Variants in ACOT7 observed in about 807,000 individuals in gnomAD.
The protein encoded by ACOT7 is acyl-CoA thioesterase 7, also known as cytosolic acyl coenzyme A thioester hydrolase.
ACOT7 carries 12 observed loss-of-function variants against 40.2 expected under a neutral mutation model. That is an observed-to-expected ratio of 0.30 (90% CI 0.19 to 0.48). The LOEUF is 0.48. Ranked by LOEUF, ACOT7 falls within the 20% of genes least tolerant of loss-of-function variation. The probability of loss-of-function intolerance (pLI) is 0.99; values close to 1 mark genes in which losing one functional copy is unlikely to be tolerated. For missense variants in ACOT7, 395 were observed against 530.8 expected (o/e 0.74, Z 2.51); for synonymous variants, 228 against 219.5 (o/e 1.04, Z -0.34).
intron 6 of ACOT7, 38 bp from the exon 7 acceptor site, chr1:6,295,018 G>A: frequency 1.3e-6 from 2 of 1,493,918 alleles, no homozygotes; most frequent in Non-Finnish European, 1.9e-6. Flanking sequence ...GAGACACGGA[G>A]GCAGAGGAGA....
Position 6,352,815 on chromosome 1 carries a change from C to T in ACOT7, c.144-2949G>A, listed in dbSNP as rs1641631996. Among the ~76,000 whole-genome samples the T allele has an allele frequency of 6.6e-6, 1 of 152,118 alleles. No individual in the cohort carries two copies. Among genetic ancestry groups the T allele is most frequent in the South Asian group, 2.1e-4 (1 of 4,808 alleles). ...AGCCAGGATGGTCTTGATCTCCTGA[C>T]CTCGTTCGTGATCCCATTTCTAATA... On this transcript the variant is annotated intron_variant, in intron 1 of 8. Transcript: ENST00000361521. The surrounding 1 kb of genome is among the most constrained non-coding windows in gnomAD (Gnocchi z 4.5).
At position 6,393,650 on chromosome 1, in the gene ACOT7, T is replaced by G. The variant is rs58110988; in HGVS notation, c.-251A>C. 0.29 allele frequency: 79,345 copies of G among 273,258 alleles called. 16,629 individuals are homozygous for G. Among genetic ancestry groups the G allele is most frequent in the African/African-American group, 0.71 (31,978 of 44,754 alleles). 16.9% of individuals were successfully genotyped at this position (273,258 alleles called of 1,614,324 possible). A position where few individuals can be genotyped will look rare whatever the true frequency, so the allele number is the denominator to read the frequency against. ...CCGCGCCGGTGCGGGGAAGGCCCGCTAGCCGCGGCAGCCGCGCCCGACCCG... is the reference window on the plus strand; with the variant it reads ...CCGCGCCGGTGCGGGGAAGGCCCGCGAGCCGCGGCAGCCGCGCCCGACCCG... On this transcript the variant is annotated 5_prime_UTR_variant, in exon 1 of 9. Coordinates refer to ENST00000361521, the MANE Select transcript of ACOT7 (RefSeq NM_007274.4).
At position 6,355,349 on chromosome 1, in the gene ACOT7, A is replaced by G. The variant is rs1046910127; in HGVS notation, c.144-5483T>C. ...TAAACGAAGCACTGCAAGGGTACTC[A>G]CTGCACAGCCGTGTATAACGCAGGA... On this transcript the variant is annotated intron_variant, in intron 1 of 8. Coordinates refer to ENST00000361521, the MANE Select transcript of ACOT7 (RefSeq NM_007274.4). This position sits in a 1 kb window ranked among gnomAD's most constrained non-coding sequence, Gnocchi z 5.0. 4.6e-5 allele frequency among the ~76,000 whole-genome samples: 7 copies of G among 152,156 alleles called. No homozygotes were observed. The highest frequency in any genetic ancestry group is 1.7e-4 in the African/African-American group (7 of 41,440).
At chr1:6,369,950 T>C (rs2148472670) in intron 1 of ACOT7, among the ~76,000 whole-genome samples, 1 of 152,344 alleles carries the variant, frequency 6.6e-6, no homozygotes, top group Non-Finnish European at 1.5e-5. Context: ...TAATAGGTGC[T>C]ATTATCCACT....
At chr1:6,321,068 A>G (rs1355233622) in intron 5 of ACOT7, among the ~76,000 whole-genome samples, 1 of 152,312 alleles carries the variant, frequency 6.6e-6, no homozygotes, top group East Asian at 1.9e-4. Context: ...GGTCTGAGCT[A>G]TGGCCATGGG....
At chr1:6,302,146 CGGTGTAG>C (rs1231794776) in intron 6 of ACOT7, among the ~76,000 whole-genome samples, 2 of 152,254 alleles carry the variant, frequency 1.3e-5, no homozygotes, top group East Asian at 3.9e-4. Context: ...GAAATCAGGA[CGGTGTAG>C]CATCCTGACT....
chr1:6,363,795 C>T (rs1296263619), intron 1 of ACOT7, among the ~76,000 whole-genome samples: 1 of 152,172 alleles, frequency 6.6e-6, no homozygotes, highest in Non-Finnish European at 1.5e-5. Context: ...GTCTCTGCAT[C>T]TTGGTGGTAG....
At chr1:6,357,369 G>C (rs1279864372) in intron 1 of ACOT7, among the ~76,000 whole-genome samples, 8 of 152,254 alleles carry the variant, frequency 5.3e-5, no homozygotes, top group Non-Finnish European at 1.2e-4. Flanking sequence ...GCACAGCCAG[G>C]TAAGGGTCTG....
intron 6 of ACOT7, among the ~76,000 whole-genome samples, chr1:6,308,536 G>A (rs1640235392): frequency 6.6e-6 from 1 of 151,896 alleles, no homozygotes; most frequent in African/African-American, 2.4e-5. Flanking sequence ...ACCACAACAG[G>A]CAGAAGGAAC....
At chr1:6,361,353 G>A (rs1282365598) in intron 1 of ACOT7, among the ~76,000 whole-genome samples, 1 of 152,182 alleles carries the variant, frequency 6.6e-6, no homozygotes, top group African/African-American at 2.4e-5. Context: ...GACTGCTAAT[G>A]CGTGCAGGTT....
chr1:6,350,122 C>T (rs141704496), intron 1 of ACOT7, among the ~76,000 whole-genome samples: 1 of 152,166 alleles, frequency 6.6e-6, no homozygotes, highest in Non-Finnish European at 1.5e-5. Flanking sequence ...CCCCCTGAAG[C>T]CACATGTCCC....
chr1:6,375,150 G>A (rs149245103), intron 1 of ACOT7, among the ~76,000 whole-genome samples: 2,892 of 150,530 alleles, frequency 0.019, 92 homozygotes, highest in African/African-American at 0.068. Flanking sequence ...GGTGGCGGGC[G>A]CCTGTAGGAG....
At position 6,359,083 on chromosome 1, in the gene ACOT7, C is replaced by T. The variant is rs1302315369; in HGVS notation, c.144-9217G>A. 1 of 514,708 alleles carries T rather than the reference C, an allele frequency of 1.9e-6. No homozygotes were observed. The highest frequency in any genetic ancestry group is 3.8e-5 in the East Asian group (1 of 26,324). The allele number at this position is 514,708 out of a possible 1,614,324, so 31.9% of individuals were successfully genotyped here. ...GGAAACCTTGCTTTATAAATAATTACAGAAGAAGTAATTCTGTGAGCTCTT... is the reference window on the plus strand; with the variant it reads ...GGAAACCTTGCTTTATAAATAATTATAGAAGAAGTAATTCTGTGAGCTCTT... On this transcript the variant is annotated intron_variant, in intron 1 of 8. Coordinates refer to ENST00000361521, the MANE Select transcript of ACOT7 (RefSeq NM_007274.4). This position sits in a 1 kb window ranked among gnomAD's most constrained non-coding sequence, Gnocchi z 4.1.
Position 6,292,913 on chromosome 1 carries a change from G to A in ACOT7, c.829+1951C>T, listed in dbSNP as rs1253073286. 9.5e-5 allele frequency among the ~76,000 whole-genome samples: 13 copies of A among 136,538 alleles called. No homozygotes were observed. In the South Asian group the frequency reaches 1.2e-3, roughly 12 times the overall value. 89.6% of individuals were successfully genotyped at this position (136,538 alleles called of 152,430 possible). On this transcript the variant is annotated intron_variant, in intron 7 of 8. Transcript: ENST00000361521. The stretch of plus-strand genomic sequence containing the variant: ...TCTTTTTTTTTTTTTTTTTTGAGAC[G>A]GAGTCTCACTCTGTCGCCCAGCCTG...
intron 6 of ACOT7, among the ~76,000 whole-genome samples, chr1:6,305,335 G>A (rs1399407865): frequency 7.2e-6 from 1 of 139,408 alleles, no homozygotes; most frequent in Non-Finnish European, 1.6e-5. Flanking sequence ...GGGCAGAGGC[G>A]CCCCTCACCT....
chr1:6,268,069 G>T (rs183807070), intron 8 of ACOT7, among the ~76,000 whole-genome samples: 2,539 of 152,330 alleles, frequency 0.017, 50 homozygotes, highest in South Asian at 0.039. Flanking sequence ...AAAGTGGATT[G>T]GCGGTTGCCT....
At chr1:6,316,957 G>A (rs1053211972) in intron 6 of ACOT7, among the ~76,000 whole-genome samples, 2 of 152,212 alleles carry the variant, frequency 1.3e-5, no homozygotes, top group African/African-American at 4.8e-5. Flanking sequence ...CTCCTGAGGT[G>A]TCCCTGGTAG....
intron 6 of ACOT7, among the ~76,000 whole-genome samples, chr1:6,310,606 G>T (rs1640304561): frequency 6.6e-6 from 1 of 152,166 alleles, no homozygotes; most frequent in African/African-American, 2.4e-5. Flanking sequence ...GGTTTCTGAG[G>T]CCCCTGAATC....
intron 1 of ACOT7, among the ~76,000 whole-genome samples, chr1:6,362,426 G>A (rs1283220075): frequency 1.4e-5 from 2 of 147,828 alleles, no homozygotes; most frequent in Admixed American, 6.9e-5. Flanking sequence ...GTGAAACTCC[G>A]TCTCAAAAAA....
Sources: allele counts gnomAD v4.1 joint callset (sites outside exome capture counted in the v4.1 genomes callset), GRCh38; gene constraint gnomAD v4.1.1; non-coding constraint Gnocchi (gnomAD v3.1); transcripts MANE v1.5; gene names NCBI Gene and HGNC (gene_info 2026-07-23, HGNC 2026-07-21).